STEAP4: variants seen among roughly 807,000 people sequenced by gnomAD.
STEAP4 encodes the protein metalloreductase STEAP4.
STEAP4 carries 36 observed loss-of-function variants against 43.6 expected under a neutral mutation model. The observed-to-expected ratio is 0.83, with a 90% CI of 0.63 to 1.09. The LOEUF (loss-of-function observed/expected upper bound fraction) is 1.09, where lower values mean the gene tolerates loss of function less well. Ranked by LOEUF, STEAP4 falls within the 50% of genes least tolerant of loss-of-function variation. The pLI, the probability that STEAP4 is intolerant of heterozygous loss-of-function variation, is 0.00. For synonymous variants in STEAP4, 191 were observed against 196.7 expected (o/e 0.97, Z 0.24); for missense variants, 495 against 546.5 (o/e 0.91, Z 0.94).
intron 1 of STEAP4, among the ~76,000 whole-genome samples, chr7:88,303,203 A>AC (rs1853068461): frequency 6.9e-6 from 1 of 145,940 alleles, no homozygotes; most frequent in Non-Finnish European, 1.5e-5. Flanking sequence ...AAAAAAAAAA[A>AC]AAAAAACTCC....
At chr7:88,302,332 G>A (rs896332481) in intron 1 of STEAP4, among the ~76,000 whole-genome samples, 1 of 152,244 alleles carries the variant, frequency 6.6e-6, no homozygotes, top group African/African-American at 2.4e-5. Context: ...GAAAGATGAA[G>A]CATATAATCA....
In STEAP4 at chr7:88,273,296, G is replaced by A. The variant is rs1852464515; in HGVS notation, c.*6102C>T. The A allele has an allele frequency of 6.6e-6, 1 of 152,128 alleles. No homozygotes were observed. The highest frequency in any genetic ancestry group is 2.4e-5 in the African/African-American group (1 of 41,434). 9.4% of individuals were successfully genotyped at this position (152,128 alleles called of 1,614,324 possible). A position where few individuals can be genotyped will look rare whatever the true frequency, so the allele number is the denominator to read the frequency against. On this transcript the variant is annotated 3_prime_UTR_variant, in exon 5 of 5. Transcript: ENST00000380079. ...CATGAAAGAAAGGATTAGTAAAAAT[G>A]AAATGAATACACTGGGTGGGCTCCT... is the stretch of plus-strand genomic sequence containing the variant.
intron 1 of STEAP4, among the ~76,000 whole-genome samples, chr7:88,288,650 C>A (rs1470881264): frequency 1.3e-5 from 2 of 151,988 alleles, no homozygotes; most frequent in Admixed American, 6.6e-5. Flanking sequence ...TAAGCAATGT[C>A]ATAATGAAGA....
intron 1 of STEAP4, among the ~76,000 whole-genome samples, chr7:88,295,434 G>A (rs1852908578): frequency 2.0e-5 from 3 of 152,200 alleles, no homozygotes; most frequent in African/African-American, 7.2e-5. Context: ...TAGAGAGCCT[G>A]AAGGCCCAGA....
chr7:88,281,444 G>T (rs77485274), intron 3 of STEAP4: 1,975 of 164,794 alleles, frequency 0.012, 16 homozygotes, highest in Middle Eastern at 0.025. Flanking sequence ...TGCTTTATAT[G>T]TGGATTACTC....
intron 1 of STEAP4, 121 bp from the exon 2 acceptor site, chr7:88,284,392 A>G: frequency 1.3e-6 from 1 of 750,792 alleles, no homozygotes; most frequent in East Asian, 2.8e-5. Flanking sequence ...TCTTAACTAT[A>G]TTTACCCCCA....
At position 88,279,513 on chromosome 7, in the gene STEAP4, A is replaced by G. The variant is rs762278383; in HGVS notation, c.1265T>C (p.Leu422Ser). 81 of 1,614,084 alleles carry G rather than the reference A, an allele frequency of 5.0e-5. 2 individuals are homozygous for G. The South Asian group carries it at 8.7e-4, about 17-fold the overall frequency. Residue 422 changes from leucine (L) to serine (S), a missense_variant, in exon 5 of 5, where the codon TTA becomes TCA. Transcript: ENST00000380079. ...LRWYLPAAYV[L>S]GLIIPCTVLV... ...CACAGTGCAAGGAATGATAAGCCCT[A>G]ACACGTAGGCTGCAGGAAGATACCA...
intron 1 of STEAP4, among the ~76,000 whole-genome samples, chr7:88,301,040 C>A (rs975972819): frequency 1.3e-5 from 2 of 152,170 alleles, no homozygotes; most frequent in African/African-American, 2.4e-5. Context: ...CTGTGTACCA[C>A]CATCCCCAGC....
rs765394516 is a variant in STEAP4, at chr7:88,283,086, T to G, written c.539A>C (p.Gln180Pro). 5 of 1,611,158 alleles carry G rather than the reference T, an allele frequency of 3.1e-6. No individual in the cohort carries two copies. The South Asian group carries it at 5.5e-5, about 18-fold the overall frequency. ...TTCTTTGGCTGCCATGAGTGATCCT[T>G]GATCCATTGGAGTAAGTCCAAGATT... Reference protein sequence around the residue: ...VRNLGLTPMDQGSLMAAKEIE... With the variant: ...VRNLGLTPMDPGSLMAAKEIE... The change falls in exon 3 of 5, where the codon CAA becomes CCA. Residue 180 changes from glutamine to proline, a missense_variant. Gln to Pro is a moderately conservative substitution (Grantham distance 76). Transcript: ENST00000380079.
At chr7:88,279,920 G>A (rs1179513960) in intron 4 of STEAP4, among the ~76,000 whole-genome samples, 1 of 152,206 alleles carries the variant, frequency 6.6e-6, no homozygotes, top group East Asian at 1.9e-4. Context: ...AATGTAGCTT[G>A]TCTTGGTTCC....
At chr7:88,283,502 C>A in intron 2 of STEAP4, 1 of 482,700 alleles carries the variant, frequency 2.1e-6, no homozygotes, top group South Asian at 3.0e-5. Flanking sequence ...TAAATGGAAC[C>A]AGTTTCATAC....
intron 3 of STEAP4, chr7:88,281,869 C>T (rs933501261): frequency 3.3e-5 from 5 of 152,142 alleles, no homozygotes; most frequent in Non-Finnish European, 7.4e-5. Context: ...GAATTATAAG[C>T]GCTCTTTTGT....
intron 3 of STEAP4, 101 bp from the exon 4 acceptor site, chr7:88,281,180 A>T: frequency 1.2e-6 from 1 of 846,052 alleles, no homozygotes; most frequent in Non-Finnish European, 1.7e-6. Context: ...TGCTCAAAGC[A>T]AATTGTATGG....
intron 1 of STEAP4, among the ~76,000 whole-genome samples, chr7:88,300,248 G>A (rs143136768): frequency 9.2e-5 from 14 of 152,212 alleles, no homozygotes; most frequent in South Asian, 2.1e-4. Context: ...TTGCTCTGTC[G>A]CCGAAGCTGG....
intron 1 of STEAP4, among the ~76,000 whole-genome samples, chr7:88,285,756 C>CAAAAA (rs371254467): frequency 6.4e-5 from 5 of 78,252 alleles, no homozygotes; most frequent in South Asian, 5.0e-4. Context: ...GACTTTGTCT[C>CAAAAA]AAAAAAAAAA....
At chr7:88,290,288 C>A (rs1852814167) in intron 1 of STEAP4, 1 of 152,152 alleles carries the variant, frequency 6.6e-6, no homozygotes, top group South Asian at 2.1e-4. Context: ...TTGCCTCTTA[C>A]CAGCAATGTC....
chr7:88,287,311 C>T (rs1330368672), intron 1 of STEAP4, among the ~76,000 whole-genome samples: 1 of 152,172 alleles, frequency 6.6e-6, no homozygotes, highest in Non-Finnish European at 1.5e-5. Flanking sequence ...GGGTTGGCCT[C>T]CAGATCCATC....
In STEAP4 at chr7:88,276,866, C is replaced by T. The variant is rs1852520207; in HGVS notation, c.*2532G>A. 1 of 152,296 alleles carries T rather than the reference C, an allele frequency of 6.6e-6. No individual in the cohort carries two copies. Among genetic ancestry groups the T allele is most frequent in the Non-Finnish European group, 1.5e-5 (1 of 68,064 alleles). The allele number at this position is 152,296 out of a possible 1,614,324, so 9.4% of individuals were successfully genotyped here. ...ATTATGCCAAAACCATCAGAGTGCT[C>T]TTTAGCTTCAGGCTTCATGAATTGC... On this transcript the variant is annotated 3_prime_UTR_variant, in exon 5 of 5. Transcript: ENST00000380079.
At position 88,284,206 on chromosome 7, in the gene STEAP4, C is replaced by T; in HGVS notation, c.64G>A (p.Val22Ile). ...AAATCACCAGTTCCAAAAATACATA[C>T]AGTCTCTTGCTTTTCTGAAGAATTC... Reference protein sequence around the residue: ...TMNSSEKQETVCIFGTGDFGR... With the variant: ...TMNSSEKQETICIFGTGDFGR... Residue 22 changes from valine (V) to isoleucine (I), a missense_variant, in exon 2 of 5, where the codon GTA becomes ATA. Transcript: ENST00000380079. 1 of 1,613,274 alleles carries T rather than the reference C, an allele frequency of 6.2e-7. No homozygotes were observed. The highest frequency in any genetic ancestry group is 8.5e-7 in the Non-Finnish European group (1 of 1,179,414).
Sources: gnomAD v4.1 joint callset for allele counts (sites outside exome capture counted in the v4.1 genomes callset) on GRCh38, gnomAD v4.1.1 for gene constraint, MANE v1.5 for transcripts, NCBI Gene and HGNC (gene_info 2026-07-23, HGNC 2026-07-21) for gene names.